TAF2: variants seen among roughly 807,000 people sequenced by gnomAD.
TAF2 encodes TATA-box binding protein associated factor 2.
Under a neutral mutation model 138.5 loss-of-function variants are expected in TAF2, and 61 were observed. The ratio of observed to expected loss-of-function variants is 0.44; its 90% CI spans 0.36 to 0.54. The LOEUF (loss-of-function observed/expected upper bound fraction) is 0.54. Ranked by LOEUF, TAF2 falls within the 20% of genes least tolerant of loss-of-function variation. The pLI is 0.00. For missense variants in TAF2, 1,090 were observed against 1,427.9 expected (o/e 0.76, Z 3.81); for synonymous variants, 475 against 469.9 (o/e 1.01, Z -0.14).
chr8:119,789,890 T>C, intron 11 of TAF2, 144 bp from the exon 12 acceptor site: 1 of 807,494 alleles, frequency 1.2e-6, no homozygotes, highest in Non-Finnish European at 1.9e-6. Context: ...TTCTAAAGAC[T>C]ACTAGCAATA....
intron 20 of TAF2, 85 bp from the exon 21 acceptor site, chr8:119,758,227 A>G: frequency 3.3e-6 from 4 of 1,202,052 alleles, no homozygotes; most frequent in Non-Finnish European, 4.8e-6. Context: ...GTTTACATTT[A>G]ATATTTAGGA....
At chr8:119,792,189 T>C (rs1230606289) in intron 10 of TAF2, among the ~76,000 whole-genome samples, 2 of 151,230 alleles carry the variant, frequency 1.3e-5, no homozygotes, top group African/African-American at 4.9e-5. Flanking sequence ...AGTCTCGCTC[T>C]TATCCCCAGG....
intron 25 of TAF2, among the ~76,000 whole-genome samples, chr8:119,735,680 T>C (rs77373478): frequency 6.6e-6 from 1 of 152,200 alleles, no homozygotes; most frequent in Non-Finnish European, 1.5e-5. Flanking sequence ...GAGAACTGTA[T>C]CTTCTGTAAT....
chr8:119,801,664 GT>G (rs2131206595), intron 6 of TAF2, 129 bp downstream of exon 6: 1 of 817,312 alleles, frequency 1.2e-6, no homozygotes, highest in African/African-American at 1.7e-5. Flanking sequence ...TCCTGACCCT[GT>G]GATCCGCCCA....
intron 21 of TAF2, 144 bp downstream of exon 21, chr8:119,757,929 C>T: frequency 2.7e-6 from 2 of 748,304 alleles, no homozygotes; most frequent in Non-Finnish European, 4.5e-6. Context: ...TGTTGAAAAT[C>T]AAATTTAAAA....
chr8:119,740,423 G>C (rs1245422307), intron 25 of TAF2, among the ~76,000 whole-genome samples: 3 of 150,964 alleles, frequency 2.0e-5, no homozygotes, highest in Non-Finnish European at 4.4e-5. Context: ...GGGAGGCTGA[G>C]GCTGGTGATC....
chr8:119,824,418 G>C (rs929043158), intron 2 of TAF2, among the ~76,000 whole-genome samples: 45 of 135,354 alleles, frequency 3.3e-4, no homozygotes, highest in Non-Finnish European at 5.9e-4. Flanking sequence ...GACAGAGTGA[G>C]ACTCCGTCTC....
chr8:119,792,102 G>T (rs528399019), intron 10 of TAF2, among the ~76,000 whole-genome samples: 5 of 150,716 alleles, frequency 3.3e-5, no homozygotes, highest in Admixed American at 2.0e-4. Flanking sequence ...TTTTACACAT[G>T]TGCAAATATT....
intron 2 of TAF2, among the ~76,000 whole-genome samples, chr8:119,828,911 G>A (rs993990942): frequency 4.6e-5 from 7 of 152,144 alleles, no homozygotes; most frequent in African/African-American, 9.7e-5. Flanking sequence ...CTCTGCCAGC[G>A]TAGCTCCAAA....
chr8:119,831,770 A>G, intron 1 of TAF2, 39 bp from the exon 2 acceptor site: 4 of 1,306,512 alleles, frequency 3.1e-6, no homozygotes, highest in Non-Finnish European at 4.2e-6. Flanking sequence ...AGGAAAAAAT[A>G]ATTTTTATTA....
intron 3 of TAF2, among the ~76,000 whole-genome samples, 199 bp downstream of exon 3, chr8:119,819,147 G>A (rs541051549): frequency 6.6e-6 from 1 of 152,146 alleles, no homozygotes; most frequent in African/African-American, 2.4e-5. Flanking sequence ...ACATGAAGAA[G>A]GGAAACTTAG....
In TAF2 at chr8:119,831,662, T is replaced by C. The variant is rs368130923; in HGVS notation, c.138+15A>G. On this transcript the variant is annotated intron_variant, in intron 2 of 25. Transcript: ENST00000378164. ...TGGACTTGTTACTATTTATAATTGT[T>C]GAGAATAAACTTACCACAACAGATT... 11 of 1,594,626 alleles carry C rather than the reference T, an allele frequency of 6.9e-6. No individual in the cohort carries two copies. The African/African-American group carries it at 1.2e-4, about 17-fold the overall frequency.
At chr8:119,778,378 T>G (rs1567359) in intron 17 of TAF2, among the ~76,000 whole-genome samples, 41,356 of 152,160 alleles carry the variant, frequency 0.27, 6,892 homozygotes, top group Admixed American at 0.46. Context: ...GCTATGTGCC[T>G]TGGCCTTCAT....
rs528641452 is a variant in TAF2 at position 119,740,679 on chromosome 8, A to G, written c.3337+1855T>C. Among the ~76,000 whole-genome samples the G allele has an allele frequency of 1.4e-4, 9 of 63,858 alleles. 1 individual carries two copies. The highest frequency in any genetic ancestry group is 8.8e-4 in the South Asian group (2 of 2,266). The allele number at this position is 63,858 out of a possible 152,430, so 41.9% of individuals were successfully genotyped here. The stretch of plus-strand genomic sequence containing the variant: ...GACTGTCTCAAAAAAAAAAAAAAAA[A>G]GAAAAGAAAAGAAAAGAAGAAGAAG... On this transcript the variant is annotated intron_variant, in intron 25 of 25. Coordinates refer to ENST00000378164, the MANE Select transcript of TAF2 (RefSeq NM_003184.4).
intron 16 of TAF2, among the ~76,000 whole-genome samples, chr8:119,781,800 G>C (rs954653389): frequency 4.0e-5 from 6 of 151,578 alleles, no homozygotes; most frequent in African/African-American, 1.5e-4. Context: ...AGATTCTCCT[G>C]CCTCAGCCTC....
chr8:119,795,149 A>G (rs1044764424), intron 9 of TAF2, among the ~76,000 whole-genome samples: 2 of 152,194 alleles, frequency 1.3e-5, no homozygotes, highest in Admixed American at 1.3e-4. Flanking sequence ...TACTTGTATA[A>G]TGTCTAATAA....
At chr8:119,760,557 T>C in intron 20 of TAF2, 42 bp downstream of exon 20, 1 of 1,605,562 alleles carries the variant, frequency 6.2e-7, no homozygotes, top group Non-Finnish European at 8.5e-7. Context: ...AAGTAAATAG[T>C]TCTTTCTAAA....
intron 2 of TAF2, among the ~76,000 whole-genome samples, chr8:119,821,301 T>C (rs1825792194): frequency 6.6e-6 from 1 of 152,158 alleles, no homozygotes. Context: ...TCTCACTCCT[T>C]GCTTCTTGCT....
intron 18 of TAF2, among the ~76,000 whole-genome samples, chr8:119,766,252 C>T (rs1821410726): frequency 6.6e-6 from 1 of 152,134 alleles, no homozygotes; most frequent in Admixed American, 6.6e-5. Flanking sequence ...GACTTTCTGG[C>T]AATGTCTAGA....
Sources: allele counts gnomAD v4.1 joint callset (sites outside exome capture counted in the v4.1 genomes callset), GRCh38; gene constraint gnomAD v4.1.1; transcripts MANE v1.5; gene names NCBI Gene and HGNC (gene_info 2026-07-23, HGNC 2026-07-21).